Variants in KIF1B observed in about 807,000 individuals in gnomAD.
KIF1B encodes kinesin-like protein KIF1B.
A neutral mutation model predicts 241.9 loss-of-function variants in KIF1B; 76 were observed. The ratio of observed to expected loss-of-function variants is 0.31; its 90% CI spans 0.26 to 0.38. The LOEUF (loss-of-function observed/expected upper bound fraction) is 0.38. Ranked by LOEUF, KIF1B falls within the 10% of genes least tolerant of loss-of-function variation. The pLI is 1.00. For synonymous variants in KIF1B, 750 were observed against 796.7 expected, an observed-to-expected ratio of 0.94 and a Z score of 0.99; for missense variants, 1,622 against 2,271.4, an observed-to-expected ratio of 0.71 and a Z score of 5.81.
At chr1:10,226,194 C>T (rs780649372) in intron 1 of KIF1B, among the ~76,000 whole-genome samples, 1 of 151,990 alleles carries the variant, frequency 6.6e-6, no homozygotes, top group African/African-American at 2.4e-5. Context: ...AGCTTTTAGC[C>T]TGTGTGAGAA....
rs1378524416 is a variant in KIF1B at position 10,371,156 on chromosome 1, C to T, written c.4840C>T (p.Pro1614Ser). 8 of 1,614,018 alleles carry T rather than the reference C, an allele frequency of 5.0e-6. No homozygotes were observed. The highest frequency in any genetic ancestry group is 5.9e-6 in the Non-Finnish European group (7 of 1,180,044). Residue 1614 changes from proline to serine, a missense_variant, in exon 45 of 49, where the codon CCA (proline) becomes TCA (serine). Pro to Ser is a moderately conservative substitution (Grantham distance 74). Coordinates refer to ENST00000676179, the MANE Select transcript of KIF1B (RefSeq NM_001365951.3). ...TTGCTTCCAGTTGTCTGATATCTCT[C>T]CAATTGGACGGGATCCCTCTGAGTC... ...VSDCKLSDIS[P>S]IGRDPSESSF...
Position 10,334,553 on chromosome 1 carries a change from C to G in KIF1B, c.2958C>G (p.Pro986=), listed in dbSNP as rs369616673. Residue 986 remains proline, a synonymous_variant, in exon 28 of 49, where the codon CCC becomes CCG. Coordinates refer to ENST00000676179, the MANE Select transcript of KIF1B (RefSeq NM_001365951.3). ...AFVYLSNLLY[P]VPLIHRVAIV... is the part of the protein sequence containing the mutation. ...TTTACCTGAGCAATCTGCTGTATCC[C>G]GTGCCCCTGATCCACAGGGTGGCCA... 1 of 1,613,930 alleles carries G rather than the reference C, an allele frequency of 6.2e-7. No homozygotes were observed. Among genetic ancestry groups the G allele is most frequent in the South Asian group, 1.1e-5 (1 of 91,054 alleles).
In KIF1B at chr1:10,377,825, G is replaced by A. The variant is rs539372635; in HGVS notation, c.*1238G>A. The A allele has an allele frequency of 6.0e-4, 111 of 183,940 alleles. No individual in the cohort carries two copies. The highest frequency in any genetic ancestry group is 9.3e-4 in the Non-Finnish European group (81 of 86,788). The allele number at this position is 183,940 out of a possible 1,614,324, so 11.4% of individuals were successfully genotyped here. On this transcript the variant is annotated 3_prime_UTR_variant, in exon 49 of 49. Coordinates refer to ENST00000676179, the MANE Select transcript of KIF1B (RefSeq NM_001365951.3). The stretch of plus-strand genomic sequence containing the variant: ...GTGGCACATGCCTGTAATTCCAGCT[G>A]CTTGGGAGCCTGAGGCAGGAGAACT...
At chr1:10,317,731 T>C (rs998166553) in intron 22 of KIF1B, among the ~76,000 whole-genome samples, 5 of 150,458 alleles carry the variant, frequency 3.3e-5, no homozygotes, top group African/African-American at 1.2e-4. Context: ...CTTGGGAGGC[T>C]AAGGCAGGAG....
intron 29 of KIF1B, 113 bp from the exon 30 acceptor site, chr1:10,336,961 T>C: frequency 7.0e-7 from 1 of 1,424,116 alleles, no homozygotes; most frequent in South Asian, 1.2e-5. Flanking sequence ...CCTCAGTCCA[T>C]ATAATTTTCC....
In KIF1B at chr1:10,378,166, G is replaced by C. The variant is rs1208647917; in HGVS notation, c.*1579G>C. ...CTGGATCCCAGGATTAAAACTAACC[G>C]TGACCACTACTCCAAACAAAACACA... On this transcript the variant is annotated 3_prime_UTR_variant, in exon 49 of 49. Transcript: ENST00000676179. 1.7e-6 allele frequency: 1 copy of C among 602,712 alleles called. No homozygotes were observed. Among genetic ancestry groups the C allele is most frequent in the Non-Finnish European group, 3.0e-6 (1 of 338,220 alleles). The allele number at this position is 602,712 out of a possible 1,614,324, so 37.3% of individuals were successfully genotyped here.
Position 10,267,412 on chromosome 1 carries a change from A to G in KIF1B, c.462A>G (p.Val154=). 1 of 1,614,208 alleles carries G rather than the reference A, an allele frequency of 6.2e-7. No homozygotes were observed. The highest frequency in any genetic ancestry group is 1.1e-5 in the South Asian group (1 of 91,080). ...VSYMEIYCER[V]RDLLNPKNKG... is the part of the protein sequence containing the mutation. ...ACATGGAAATTTACTGTGAAAGAGT[A>G]CGAGATTTGCTGAATCCAAAAAACA... Residue 154 remains valine, a synonymous_variant, in exon 6 of 49, where the codon GTA becomes GTG. Coordinates refer to ENST00000676179, the MANE Select transcript of KIF1B (RefSeq NM_001365951.3).
rs759700480 is a variant in KIF1B, at chr1:10,294,536, A to C, written c.1591-550A>C. On this transcript the variant is annotated intron_variant, in intron 17 of 48. Transcript: ENST00000676179. ...TTTTTCCTTGTGCTTTGACCTTATCAAAAATTAGGTCTTGTTTTTTTATCC... is the reference window on the plus strand; with the variant it reads ...TTTTTCCTTGTGCTTTGACCTTATCCAAAATTAGGTCTTGTTTTTTTATCC... 1.9e-3 allele frequency among the ~76,000 whole-genome samples: 289 copies of C among 152,262 alleles called. 1 individual carries two copies. Among genetic ancestry groups the C allele is most frequent in the Non-Finnish European group, 3.5e-3 (239 of 68,022 alleles).
In KIF1B at chr1:10,324,986, GA is replaced by G. The variant is rs998228406; in HGVS notation, c.2675+100del. On this transcript the variant is annotated intron_variant, in intron 26 of 48. Coordinates refer to ENST00000676179, the MANE Select transcript of KIF1B (RefSeq NM_001365951.3). The stretch of plus-strand genomic sequence containing the variant: ...AGCAGATAATATAAAAAGTTAAGAG[GA>G]AAAAAAAAGGTGTAAAAAGGCCTTA... The G allele has an allele frequency of 4.9e-4, 704 of 1,443,314 alleles. 1 individual carries two copies. The highest frequency in any genetic ancestry group is 9.0e-4 in the East Asian group (39 of 43,116). The allele number at this position is 1,443,314 out of a possible 1,614,324, so 89.4% of individuals were successfully genotyped here.
Position 10,333,371 on chromosome 1 carries a change from AAAAT to A in KIF1B, c.2925-1134_2925-1131del, listed in dbSNP as rs771991379. Among the ~76,000 whole-genome samples, 6 of 148,280 alleles carry A rather than the reference AAAAT, an allele frequency of 4.0e-5. No individual in the cohort carries two copies. In the South Asian group the frequency reaches 6.5e-4, roughly 16 times the overall value. ...GGCAACAAGAGTGAAACTCCATCTC[AAAAT>A]AAATAAATAAATAAGGTAACAATAA... On this transcript the variant is annotated intron_variant, in intron 27 of 48. Transcript: ENST00000676179.
intron 38 of KIF1B, among the ~76,000 whole-genome samples, chr1:10,357,749 C>A (rs1414485540): frequency 6.6e-6 from 1 of 151,682 alleles, no homozygotes; most frequent in African/African-American, 2.4e-5. Context: ...TGGCTCACAC[C>A]TGTAATCCCA....
intron 27 of KIF1B, 90 bp from the exon 28 acceptor site, chr1:10,334,430 C>A: frequency 2.0e-6 from 2 of 1,000,054 alleles, no homozygotes; most frequent in Non-Finnish European, 1.6e-6. Flanking sequence ...AGTCAGCTCA[C>A]AGTTGCAGGA....
chr1:10,285,750 G>A (rs1453188953), intron 15 of KIF1B, among the ~76,000 whole-genome samples: 1 of 152,160 alleles, frequency 6.6e-6, no homozygotes, highest in Non-Finnish European at 1.5e-5. Context: ...GCTGCACGCA[G>A]ATAACATCTT....
At chr1:10,370,329 A>T (rs762718920) in intron 44 of KIF1B, among the ~76,000 whole-genome samples, 1 of 152,152 alleles carries the variant, frequency 6.6e-6, no homozygotes, top group Non-Finnish European at 1.5e-5. Context: ...TGGGAGGTCA[A>T]GGTCGATGGA....
intron 35 of KIF1B, 78 bp from the exon 36 acceptor site, chr1:10,347,683 C>T: frequency 8.3e-7 from 1 of 1,204,086 alleles, no homozygotes; most frequent in Non-Finnish European, 1.2e-6. Context: ...CAGAATTTAT[C>T]AAAACAAAGA....
chr1:10,348,615 T>C, intron 36 of KIF1B, 34 bp from the exon 37 acceptor site: 1 of 1,539,818 alleles, frequency 6.5e-7, no homozygotes, highest in Non-Finnish European at 9.0e-7. Flanking sequence ...AATAGATTGC[T>C]TCAGCTAAAT....
intron 22 of KIF1B, among the ~76,000 whole-genome samples, chr1:10,313,155 G>T (rs1275185896): frequency 6.6e-6 from 1 of 151,018 alleles, no homozygotes; most frequent in Non-Finnish European, 1.5e-5. Context: ...AACCTCTGCT[G>T]CCCTGGTTCA....
In KIF1B at chr1:10,217,806, G is replaced by A. The variant is rs569460624; in HGVS notation, c.-80+6928G>A. Among the ~76,000 whole-genome samples the A allele has an allele frequency of 2.0e-3, 297 of 147,778 alleles. 5 individuals carry two copies. The South Asian group carries it at 0.023, about 11-fold the overall frequency. ...CCCCCTGACTTTGCTGTACTCCCCC[G>A]TGATGCTGATTACATTCTCGATTCT... On this transcript the variant is annotated intron_variant, in intron 1 of 48. Coordinates refer to ENST00000676179, the MANE Select transcript of KIF1B (RefSeq NM_001365951.3).
chr1:10,351,345 CTATGA>C (rs1652787064), intron 37 of KIF1B, among the ~76,000 whole-genome samples: 1 of 152,094 alleles, frequency 6.6e-6, no homozygotes, highest in Non-Finnish European at 1.5e-5. Context: ...CTGAAGGATC[CTATGA>C]TATATTTTTA....
Sources: gnomAD v4.1 joint callset for allele counts (sites outside exome capture counted in the v4.1 genomes callset) on GRCh38, gnomAD v4.1.1 for gene constraint, MANE v1.5 for transcripts, NCBI Gene and HGNC (gene_info 2026-07-23, HGNC 2026-07-21) for gene names.